The following OR2T2 variants were observed in gnomAD, a reference collection of about 807,000 sequenced individuals.
The protein encoded by OR2T2 is olfactory receptor 2T2.
For synonymous variants in OR2T2, 50 were observed against 162.7 expected, an observed-to-expected ratio of 0.31 and a Z score of 5.27; for missense variants, 138 against 409.1, an observed-to-expected ratio of 0.34 and a Z score of 5.72.
intron 2 of OR2T2, among the ~76,000 whole-genome samples, chr1:248,450,216 G>A (rs1192010705): frequency 7.3e-6 from 1 of 137,224 alleles, no homozygotes; most frequent in East Asian, 2.2e-4. Context: ...CTGCTCTTTA[G>A]CAGGGCCTTT....
rs575985709 is a variant in OR2T2 at position 248,450,350 on chromosome 1, T to C, written c.-22-2426T>C. ...CGCTCACACTCACAAGGAACCTCTT[T>C]TTTTTTTTTTAACACGGTCTCGGTT... On this transcript the variant is annotated intron_variant, in intron 2 of 2. Transcript: ENST00000642130. Among the ~76,000 whole-genome samples, 5 of 138,948 alleles carry C rather than the reference T, an allele frequency of 3.6e-5. No homozygotes were observed. The East Asian group carries it at 1.0e-3, about 28-fold the overall frequency. 91.2% of individuals were successfully genotyped at this position (138,948 alleles called of 152,430 possible).
At chr1:248,446,056 T>C (rs1662638696) in intron 1 of OR2T2, among the ~76,000 whole-genome samples, 2 of 145,610 alleles carry the variant, frequency 1.4e-5, no homozygotes, top group African/African-American at 2.8e-5. Context: ...GATTGCCCTC[T>C]GAATATTTTG....
In OR2T2 at chr1:248,453,712, A is replaced by G. The variant is rs150092963; in HGVS notation, c.915A>G (p.Val305=). The change falls in exon 3 of 3, where the codon GTA becomes GTG. Residue 305 remains valine, a synonymous_variant. Transcript: ENST00000642130. ...ATGTGGCTGCAGCTCTGAGGAAAGT[A>G]CTAGGGAGATGTGGTTCCTCCCAGA... 1.4e-3 allele frequency: 2,315 copies of G among 1,602,584 alleles called. 2 individuals carry two copies. Among genetic ancestry groups the G allele is most frequent in the Non-Finnish European group, 1.9e-3 (2,236 of 1,178,186 alleles).
chr1:248,447,963 G>C (rs75914430), intron 2 of OR2T2, among the ~76,000 whole-genome samples: 3 of 151,460 alleles, frequency 2.0e-5, no homozygotes, highest in Admixed American at 2.0e-4. Context: ...GTAGTGTGGT[G>C]GAAATATCAT....
chr1:248,453,996 C>T, exon 3 of OR2T2: 4 of 574,316 alleles, frequency 7.0e-6, no homozygotes, highest in Non-Finnish European at 1.2e-5. Context: ...CAAAATCATC[C>T]TGTTGCAAGG....
exon 2 of OR2T2, chr1:248,446,633 T>C (rs1230114441): frequency 6.8e-6 from 1 of 147,992 alleles, no homozygotes; most frequent in Non-Finnish European, 1.5e-5. Context: ...GATCCTTTGA[T>C]TTCTATTTGC....
rs1416821587 is a variant in OR2T2 at position 248,449,029 on chromosome 1, TATG to T, written c.-23+2221_-23+2223del. 2.8e-5 allele frequency among the ~76,000 whole-genome samples: 4 copies of T among 143,508 alleles called. 1 individual carries two copies. In the East Asian group the frequency reaches 9.2e-4, roughly 33 times the overall value. The allele number at this position is 143,508 out of a possible 152,430, so 94.1% of individuals were successfully genotyped here. On this transcript the variant is annotated intron_variant, in intron 2 of 2. Transcript: ENST00000642130. Reference sequence around the variant, plus strand: ...GATCTGTTTCTATGAGGATTTTTGATATGATACATTAATCAAACTTAACTATGT... The same window carrying T: ...GATCTGTTTCTATGAGGATTTTTGATATACATTAATCAAACTTAACTATGT...
At chr1:248,448,008 C>T (rs1572908232) in intron 2 of OR2T2, among the ~76,000 whole-genome samples, 1 of 152,296 alleles carries the variant, frequency 6.6e-6, no homozygotes, top group Non-Finnish European at 1.5e-5. Flanking sequence ...GTCTATGCTA[C>T]CCCCTGAGTC....
chr1:248,451,495 G>GAAA (rs1339973722), intron 2 of OR2T2, among the ~76,000 whole-genome samples: 1 of 120,176 alleles, frequency 8.3e-6, no homozygotes, highest in Non-Finnish European at 1.6e-5. Context: ...TGTTTTTTGA[G>GAAA]ACAAAGTCTT....
At chr1:248,447,236 G>A (rs1662685082) in intron 2 of OR2T2, among the ~76,000 whole-genome samples, 1 of 150,042 alleles carries the variant, frequency 6.7e-6, no homozygotes, top group Non-Finnish European at 1.5e-5. Flanking sequence ...ACGGAGTACA[G>A]GAGTAGCTTG....
chr1:248,455,546 T>C (rs2103024034), exon 3 of OR2T2: 1 of 10,312 alleles, frequency 9.7e-5, no homozygotes, highest in Non-Finnish European at 1.7e-4. Flanking sequence ...TTTGTGTCTC[T>C]GCACTAATGC....
chr1:248,450,850 G>GTC (rs1234397265), intron 2 of OR2T2, among the ~76,000 whole-genome samples: 18 of 142,524 alleles, frequency 1.3e-4, no homozygotes, highest in Non-Finnish European at 2.3e-4. Context: ...TATTTAAATA[G>GTC]TCTCTTGACC....
At chr1:248,453,425 A>T in exon 3 of OR2T2, 1 of 1,589,050 alleles carries the variant, frequency 6.3e-7, no homozygotes, top group Non-Finnish European at 8.6e-7. Context: ...GATGCTGCTT[A>T]TCCCTCTATC....
At chr1:248,448,824 C>CTA (rs1424916402) in intron 2 of OR2T2, among the ~76,000 whole-genome samples, 14 of 74,832 alleles carry the variant, frequency 1.9e-4, no homozygotes, top group South Asian at 8.4e-4. Flanking sequence ...ATGTTGGTGA[C>CTA]ATGCCATTCT....
intron 2 of OR2T2, among the ~76,000 whole-genome samples, chr1:248,449,803 G>GCTTTTTCTTTTTCTTTTT (rs201311654): frequency 7.5e-5 from 8 of 106,142 alleles, no homozygotes; most frequent in Non-Finnish European, 1.2e-4. Flanking sequence ...GCAAATAAAA[G>GCTTTTTCTTTTTCTTTTT]CTTTTTCTTT....
At chr1:248,450,347 C>CT (rs201321023) in intron 2 of OR2T2, among the ~76,000 whole-genome samples, 3,362 of 139,088 alleles carry the variant, frequency 0.024, 197 homozygotes, top group African/African-American at 0.059. Context: ...CAAGGAACCT[C>CT]TTTTTTTTTT....
intron 1 of OR2T2, 81 bp downstream of exon 1, chr1:248,445,750 T>C (rs1237348623): frequency 2.0e-5 from 3 of 152,048 alleles, no homozygotes; most frequent in Non-Finnish European, 4.4e-5. Context: ...TCTGTAACTA[T>C]TAGAAGGCCA....
chr1:248,453,233 G>C (rs768905008), exon 3 of OR2T2: 1 of 1,606,776 alleles, frequency 6.2e-7, no homozygotes, highest in African/African-American at 1.4e-5. Context: ...CTTATTCATG[G>C]TGGTCGGCTC....
intron 2 of OR2T2, among the ~76,000 whole-genome samples, chr1:248,450,770 TACTG>T (rs200391708): frequency 0.012 from 1,708 of 145,024 alleles, 1 homozygote; most frequent in African/African-American, 0.045. Flanking sequence ...AAGACAAACT[TACTG>T]TCTGCGAGAT....
Sources: allele counts gnomAD v4.1 joint callset (sites outside exome capture counted in the v4.1 genomes callset), GRCh38; gene constraint gnomAD v4.1.1; transcripts MANE v1.5; gene names NCBI Gene and HGNC (gene_info 2026-07-23, HGNC 2026-07-21).